MAST4: variants seen among roughly 807,000 people sequenced by gnomAD.
MAST4 encodes microtubule associated serine/threonine kinase family member 4.
Under a neutral mutation model 162.7 loss-of-function variants are expected in MAST4, and 89 were observed. That is an observed-to-expected ratio of 0.55 (90% CI 0.46 to 0.65). MAST4 has a LOEUF of 0.65. Among genes scored for constraint, MAST4 ranks in the 30% least tolerant of loss-of-function variants. The probability of loss-of-function intolerance (pLI) is 0.00; values close to 1 mark genes in which losing one functional copy is unlikely to be tolerated. For missense variants in MAST4, 3,153 were observed against 3,374.0 expected (o/e 0.93, Z 1.62); for synonymous variants, 1,479 against 1,361.1 (o/e 1.09, Z -1.91).
intron 3 of MAST4, among the ~76,000 whole-genome samples, chr5:66,877,594 A>G (rs796193559): frequency 2.6e-5 from 4 of 152,182 alleles, no homozygotes; most frequent in African/African-American, 9.7e-5. Flanking sequence ...CCTTCCACAG[A>G]TGGTACCACC....
At chr5:66,669,955 G>T (rs1268119870) in intron 1 of MAST4, among the ~76,000 whole-genome samples, 1 of 152,220 alleles carries the variant, frequency 6.6e-6, no homozygotes, top group African/African-American at 2.4e-5. Context: ...TTGAATGTCT[G>T]TCTGGCATTC....
chr5:66,841,629 C>T (rs1271662762), intron 3 of MAST4, among the ~76,000 whole-genome samples: 1 of 151,976 alleles, frequency 6.6e-6, no homozygotes, highest in Non-Finnish European at 1.5e-5. Context: ...GGCATTAATC[C>T]CATCATGAGG....
chr5:66,997,974 G>C (rs750814788), intron 4 of MAST4, among the ~76,000 whole-genome samples: 2 of 152,186 alleles, frequency 1.3e-5, no homozygotes, highest in African/African-American at 2.4e-5. Flanking sequence ...AGAAGCATGT[G>C]ATTTCTACCT....
chr5:67,121,529 C>T (rs1339564052), intron 14 of MAST4, among the ~76,000 whole-genome samples: 1 of 151,710 alleles, frequency 6.6e-6, no homozygotes, highest in South Asian at 2.1e-4. Flanking sequence ...GACCAGCAGA[C>T]AACCTTAAGA....
At chr5:66,822,894 C>T (rs1757061832) in intron 3 of MAST4, among the ~76,000 whole-genome samples, 1 of 152,232 alleles carries the variant, frequency 6.6e-6, no homozygotes, top group African/African-American at 2.4e-5. Context: ...GTCAACCTGA[C>T]CAAGGTTGGT....
intron 4 of MAST4, among the ~76,000 whole-genome samples, chr5:66,975,246 G>T (rs915598819): frequency 3.9e-5 from 6 of 152,230 alleles, no homozygotes; most frequent in Middle Eastern, 3.4e-3. Context: ...CCTCCAGACT[G>T]GGAGAATATA....
intron 3 of MAST4, among the ~76,000 whole-genome samples, chr5:66,897,957 C>T (rs1025010887): frequency 6.6e-6 from 1 of 152,184 alleles, no homozygotes; most frequent in Non-Finnish European, 1.5e-5. Context: ...TTCGTTTGGT[C>T]CCTTTCCTCT....
intron 1 of MAST4, among the ~76,000 whole-genome samples, chr5:66,616,736 A>G (rs532126999): frequency 3.5e-4 from 54 of 152,332 alleles, no homozygotes; most frequent in African/African-American, 1.1e-3. Context: ...AACACTGCAC[A>G]GTCTATCTTC....
intron 4 of MAST4, among the ~76,000 whole-genome samples, chr5:67,037,765 G>C (rs1382803872): frequency 6.6e-6 from 1 of 152,026 alleles, no homozygotes; most frequent in East Asian, 1.9e-4. Flanking sequence ...TCTGATTCAA[G>C]GCTTTGACAA....
chr5:67,137,500 C>G (rs1769815394), intron 19 of MAST4, among the ~76,000 whole-genome samples: 1 of 152,146 alleles, frequency 6.6e-6, no homozygotes, highest in African/African-American at 2.4e-5. Flanking sequence ...TCATTCTACC[C>G]CCATTTTAAT....
At chr5:66,778,581 G>A (rs1018001105) in intron 2 of MAST4, among the ~76,000 whole-genome samples, 2 of 152,098 alleles carry the variant, frequency 1.3e-5, no homozygotes, top group Admixed American at 1.3e-4. Flanking sequence ...GTAAAAGAAA[G>A]GTCAAATATA....
intron 3 of MAST4, among the ~76,000 whole-genome samples, chr5:66,839,919 CAT>C (rs1491144502): frequency 1.5e-5 from 2 of 137,488 alleles, no homozygotes; most frequent in African/African-American, 5.1e-5. Context: ...TTTCTTTGTG[CAT>C]GTGTGTGTGT....
At chr5:66,603,188 A>T (rs1742664163) in intron 1 of MAST4, among the ~76,000 whole-genome samples, 1 of 152,202 alleles carries the variant, frequency 6.6e-6, no homozygotes, top group South Asian at 2.1e-4. Flanking sequence ...GATATGTAAC[A>T]GTTATCCCTT....
chr5:66,637,217 A>G (rs901218905), intron 1 of MAST4, among the ~76,000 whole-genome samples: 6 of 148,186 alleles, frequency 4.0e-5, no homozygotes, highest in African/African-American at 1.0e-4. Flanking sequence ...CTAATTTTCT[A>G]TTGGGCATAG....
chr5:66,877,928 G>A (rs1389385860), intron 3 of MAST4, among the ~76,000 whole-genome samples: 1 of 152,194 alleles, frequency 6.6e-6, no homozygotes, highest in African/African-American at 2.4e-5. Flanking sequence ...AGAGGTATCA[G>A]GCGTTCCTAA....
chr5:67,036,500 G>C (rs1410859123), intron 4 of MAST4, among the ~76,000 whole-genome samples: 1 of 152,050 alleles, frequency 6.6e-6, no homozygotes, highest in Non-Finnish European at 1.5e-5. Flanking sequence ...GTGTCCCGAG[G>C]AGTTGGTTCC....
intron 1 of MAST4, among the ~76,000 whole-genome samples, chr5:66,632,156 G>A (rs1056534415): frequency 1.3e-5 from 2 of 152,152 alleles, no homozygotes; most frequent in African/African-American, 4.8e-5. Flanking sequence ...GTTGGAGTCC[G>A]AAGCCCCACA....
At chr5:67,157,714 C>T (rs1043114773) in intron 26 of MAST4, among the ~76,000 whole-genome samples, 9 of 152,146 alleles carry the variant, frequency 5.9e-5, no homozygotes, top group African/African-American at 1.9e-4. Flanking sequence ...AGAGAGCCAG[C>T]ATGGGCTTTT....
chr5:66,809,584 A>G (rs1363428218), intron 3 of MAST4, among the ~76,000 whole-genome samples: 1 of 152,228 alleles, frequency 6.6e-6, no homozygotes, highest in African/African-American at 2.4e-5. Context: ...CATTTTTATA[A>G]GAAGTGATAT....
Sources: allele counts gnomAD v4.1 joint callset (sites outside exome capture counted in the v4.1 genomes callset), GRCh38; gene constraint gnomAD v4.1.1; transcripts MANE v1.5; gene names NCBI Gene and HGNC (gene_info 2026-07-23, HGNC 2026-07-21).